OAT: variants seen among roughly 807,000 people sequenced by gnomAD.
The protein encoded by OAT is ornithine aminotransferase, mitochondrial.
In OAT, 35 loss-of-function variants were observed where a neutral mutation model predicts 48.4. The ratio of observed to expected loss-of-function variants is 0.72; its 90% CI spans 0.55 to 0.96. The LOEUF is 0.96. OAT is among the 40% of genes least tolerant of loss of function. OAT has a pLI of 0.00. For synonymous variants in OAT, 182 were observed against 198.4 expected, an observed-to-expected ratio of 0.92 and a Z score of 0.70; for missense variants, 438 against 537.9, an observed-to-expected ratio of 0.81 and a Z score of 1.84.
chr10:124,399,567 G>A (rs921816385), intron 9 of OAT, among the ~76,000 whole-genome samples: 3 of 151,718 alleles, frequency 2.0e-5, no homozygotes, highest in East Asian at 1.9e-4. Flanking sequence ...GGATGGTCTC[G>A]ATCTCCTAAC....
At chr10:124,417,032 C>T (rs904803470) in intron 1 of OAT, among the ~76,000 whole-genome samples, 3 of 152,156 alleles carry the variant, frequency 2.0e-5, no homozygotes, top group Non-Finnish European at 2.9e-5. Flanking sequence ...CAAATTCGTG[C>T]ATTCATCACT....
chr10:124,408,488 A>T (rs951516922), intron 4 of OAT, 54 bp downstream of exon 4: 2 of 1,489,466 alleles, frequency 1.3e-6, no homozygotes, highest in East Asian at 2.3e-5. Context: ...GCCTGGCCAC[A>T]GTAAATTATA....
chr10:124,413,720 A>G (rs553570630), intron 1 of OAT, among the ~76,000 whole-genome samples: 1 of 152,334 alleles, frequency 6.6e-6, no homozygotes, highest in South Asian at 2.1e-4. Flanking sequence ...TATTGTTAGC[A>G]AAAGGTAACT....
rs769875400 is a variant in OAT, at chr10:124,408,554, T to A, written c.508A>T (p.Ile170Phe). ...TAATTTCACATACCTGCAAAAACAA[T>A]CTTTGCTTTGTATTTCTGAATGCCC... is the stretch of plus-strand genomic sequence containing the variant. ...VKGIQKYKAK[I>F]VFAAGNFWGR... is the part of the protein sequence containing the mutation. The change falls in exon 4 of 10, where the codon ATT (isoleucine) becomes TTT (phenylalanine). Residue 170 changes from isoleucine (I) to phenylalanine (F), a missense_variant. Physicochemically the swap from Ile to Phe is conservative, Grantham distance 21. Coordinates refer to ENST00000368845, the MANE Select transcript of OAT (RefSeq NM_000274.4). 1 of 1,610,912 alleles carries A rather than the reference T, an allele frequency of 6.2e-7. No individual in the cohort carries two copies. Among genetic ancestry groups the A allele is most frequent in the South Asian group, 1.1e-5 (1 of 90,988 alleles).
At chr10:124,403,672 G>T in intron 6 of OAT, 126 bp downstream of exon 6, 1 of 1,364,778 alleles carries the variant, frequency 7.3e-7, no homozygotes, top group Non-Finnish European at 1.0e-6. Context: ...CTAGTGGAAA[G>T]TAATTTAATC....
intron 2 of OAT, 70 bp from the exon 3 acceptor site, chr10:124,409,035 T>G: frequency 8.8e-7 from 1 of 1,136,886 alleles, no homozygotes; most frequent in South Asian, 1.3e-5. Context: ...AAATTAAGAG[T>G]GCTAGCAAGC....
At chr10:124,405,717 T>G in intron 4 of OAT, 154 bp from the exon 5 acceptor site, 1 of 1,483,824 alleles carries the variant, frequency 6.7e-7, no homozygotes, top group Non-Finnish European at 9.0e-7. Flanking sequence ...TAAAACAAAG[T>G]CTGATATTAA....
At chr10:124,415,074 T>TAAA (rs75952005) in intron 1 of OAT, 4 of 16,856 alleles carry the variant, frequency 2.4e-4, no homozygotes, top group Non-Finnish European at 3.7e-4. Flanking sequence ...TACAAAGCGC[T>TAAA]AAAAAAAAAA....
At chr10:124,409,047 CT>C (rs1287506822) in intron 2 of OAT, 82 bp from the exon 3 acceptor site, 2 of 901,660 alleles carry the variant, frequency 2.2e-6, no homozygotes, top group African/African-American at 3.3e-5. Context: ...CTAGCAAGCC[CT>C]CTGAATGCCT....
At chr10:124,409,029 T>A in intron 2 of OAT, 64 bp from the exon 3 acceptor site, 1 of 1,238,222 alleles carries the variant, frequency 8.1e-7, no homozygotes, top group Non-Finnish European at 1.2e-6. Flanking sequence ...GTCCAAAAAT[T>A]AAGAGTGCTA....
At chr10:124,404,546 C>G (rs1951517807) in intron 5 of OAT, among the ~76,000 whole-genome samples, 1 of 152,076 alleles carries the variant, frequency 6.6e-6, no homozygotes, top group Non-Finnish European at 1.5e-5. Flanking sequence ...CTCGGCCTCC[C>G]AAAGTGCTGC....
rs1334874887 is a variant in OAT at position 124,397,583 on chromosome 10, T to C, written c.*359A>G. The stretch of plus-strand genomic sequence containing the variant: ...CTTTTATGCAATACCCAGAGATAAC[T>C]TTTTCAAATATGAAACACTTATACC... On this transcript the variant is annotated 3_prime_UTR_variant, in exon 10 of 10. Transcript: ENST00000368845. 5.0e-6 allele frequency: 1 copy of C among 201,702 alleles called. No homozygotes were observed. The highest frequency in any genetic ancestry group is 1.0e-5 in the Non-Finnish European group (1 of 97,860). The allele number at this position is 201,702 out of a possible 1,614,324, so 12.5% of individuals were successfully genotyped here. A position where few individuals can be genotyped will look rare whatever the true frequency, so the allele number is the denominator to read the frequency against.
rs564623430 is a variant in OAT, at chr10:124,401,943, G to C, written c.901-104C>G. On this transcript the variant is annotated intron_variant, in intron 7 of 9. Transcript: ENST00000368845. ...GTCACCCAGGCTTGAGTGCAGTGGC[G>C]TGATCTCAGCTCACTGCAATCTCTG... is the stretch of plus-strand genomic sequence containing the variant. 3.7e-6 allele frequency: 3 copies of C among 818,376 alleles called. No homozygotes were observed. The South Asian group carries it at 4.3e-5, about 12-fold the overall frequency. The allele number at this position is 818,376 out of a possible 1,614,324, so 50.7% of individuals were successfully genotyped here.
chr10:124,401,105 T>C, intron 8 of OAT, 121 bp from the exon 9 acceptor site: 1 of 662,536 alleles, frequency 1.5e-6, no homozygotes, highest in Admixed American at 2.8e-5. Flanking sequence ...GAACTTAACT[T>C]TCATTGCTAT....
chr10:124,408,333 ATATATATATATTT>A (rs1401141321), intron 4 of OAT, among the ~76,000 whole-genome samples, 196 bp downstream of exon 4: 4,482 of 94,244 alleles, frequency 0.048, 84 homozygotes, highest in South Asian at 0.1. Flanking sequence ...ATATATATAT[ATATATATATATTT>A]TTTTTTTTTT....
intron 2 of OAT, among the ~76,000 whole-genome samples, chr10:124,410,909 G>A (rs1354250108): frequency 6.6e-6 from 1 of 152,122 alleles, no homozygotes; most frequent in Non-Finnish European, 1.5e-5. Context: ...GGAGGCTGAG[G>A]TGGGTGGATC....
At chr10:124,413,371 A>C (rs1436985176) in intron 1 of OAT, among the ~76,000 whole-genome samples, 1 of 151,996 alleles carries the variant, frequency 6.6e-6, no homozygotes. Flanking sequence ...TACAAAACTT[A>C]TCCTGAAAAA....
chr10:124,397,729 T>C lies in OAT; in HGVS notation c.*213A>G. The stretch of plus-strand genomic sequence containing the variant: ...TGCACATCAAAACACTTCAACTGAA[T>C]ATAGATGCCATTACATTATTTAGTT... On this transcript the variant is annotated 3_prime_UTR_variant, in exon 10 of 10. Coordinates refer to ENST00000368845, the MANE Select transcript of OAT (RefSeq NM_000274.4). 1.8e-6 allele frequency: 1 copy of C among 555,772 alleles called. No homozygotes were observed. Among genetic ancestry groups the C allele is most frequent in the Non-Finnish European group, 3.2e-6 (1 of 313,302 alleles). The allele number at this position is 555,772 out of a possible 1,614,324, so 34.4% of individuals were successfully genotyped here.
intron 2 of OAT, among the ~76,000 whole-genome samples, chr10:124,410,185 G>A (rs1379430507): frequency 2.0e-5 from 3 of 152,114 alleles, no homozygotes; most frequent in African/African-American, 7.2e-5. Flanking sequence ...TCACCATTTG[G>A]CAACTACCAC....
Sources: allele counts gnomAD v4.1 joint callset (sites outside exome capture counted in the v4.1 genomes callset), GRCh38; gene constraint gnomAD v4.1.1; transcripts MANE v1.5; gene names NCBI Gene and HGNC (gene_info 2026-07-23, HGNC 2026-07-21).